The following DNAJC1 variants were observed in gnomAD, a reference collection of about 807,000 sequenced individuals.
DNAJC1 encodes the protein dnaJ homolog subfamily C member 1.
In DNAJC1, 58 loss-of-function variants were observed where a neutral mutation model predicts 76.6. The observed-to-expected ratio is 0.76, with a 90% CI of 0.61 to 0.94. DNAJC1 has a LOEUF of 0.94. Ranked by LOEUF, DNAJC1 falls within the 40% of genes least tolerant of loss-of-function variation. DNAJC1 has a pLI of 0.00. For missense variants in DNAJC1, 689 were observed against 677.3 expected (o/e 1.02, Z -0.19); for synonymous variants, 258 against 267.9 (o/e 0.96, Z 0.36).
In DNAJC1 at chr10:21,919,866, C is replaced by T; in HGVS notation, c.601G>A (p.Val201Ile). 6.2e-7 allele frequency: 1 copy of T among 1,609,232 alleles called. No individual in the cohort carries two copies. Among genetic ancestry groups the T allele is most frequent in the South Asian group, 1.1e-5 (1 of 90,306 alleles). ...TTTTCTGAAGCACCGAGTTTTGATA[C>T]ATCCACACTCTTGCTGCCAGTCTTT... ...KKKTGSKSVD[V>I]SKLGASEKNE... Residue 201 changes from valine (V) to isoleucine (I), a missense_variant, in exon 5 of 12, where the codon GTA (valine) becomes ATA (isoleucine). Physicochemically the swap from Val to Ile is conservative, Grantham distance 29. Coordinates refer to ENST00000376980, the MANE Select transcript of DNAJC1 (RefSeq NM_022365.4).
At chr10:21,929,245 A>G (rs1341752298) in intron 1 of DNAJC1, 104 bp from the exon 2 acceptor site, 1 of 705,062 alleles carries the variant, frequency 1.4e-6, no homozygotes, top group Non-Finnish European at 2.4e-6. Flanking sequence ...CAAGTGCAGG[A>G]CCCCAGGCAA....
At chr10:21,769,401 A>G (rs1834345346) in intron 9 of DNAJC1, among the ~76,000 whole-genome samples, 2 of 152,252 alleles carry the variant, frequency 1.3e-5, no homozygotes, top group Non-Finnish European at 2.9e-5. Flanking sequence ...TAGAATGGTT[A>G]TCCTGATTTT....
chr10:21,904,591 T>C lies in DNAJC1; in HGVS notation c.751A>G (p.Lys251Glu). The C allele has an allele frequency of 6.2e-7, 1 of 1,606,608 alleles. No individual in the cohort carries two copies. Among genetic ancestry groups the C allele is most frequent in the Non-Finnish European group, 8.5e-7 (1 of 1,176,638 alleles). ...LIQDAGQFYA[K>E]YKETRLKEKE... ...TCCTTCAATCTTGTTTCTTTATATT[T>C]AGCATAAAACTGCCCAGCATCCTTA... The change falls in exon 7 of 12, where the codon AAA becomes GAA. Residue 251 changes from lysine (K) to glutamate (E), a missense_variant. Lys to Glu is a moderately conservative substitution (Grantham distance 56). Coordinates refer to ENST00000376980, the MANE Select transcript of DNAJC1 (RefSeq NM_022365.4).
intron 1 of DNAJC1, among the ~76,000 whole-genome samples, chr10:21,949,929 T>C (rs1837563463): frequency 6.6e-6 from 1 of 152,150 alleles, no homozygotes; most frequent in Non-Finnish European, 1.5e-5. Flanking sequence ...TGCTTCAGTT[T>C]TTGCTTAAAT....
At chr10:21,972,498 T>C (rs1339198576) in intron 1 of DNAJC1, among the ~76,000 whole-genome samples, 2 of 151,994 alleles carry the variant, frequency 1.3e-5, no homozygotes, top group Non-Finnish European at 2.9e-5. Flanking sequence ...TTTATCACAT[T>C]TGAAGACAAA....
At chr10:21,841,787 T>C (rs1348159746) in intron 8 of DNAJC1, among the ~76,000 whole-genome samples, 2 of 152,034 alleles carry the variant, frequency 1.3e-5, no homozygotes, top group African/African-American at 2.4e-5. Flanking sequence ...CATGCTGCTA[T>C]AAAGACACAC....
intron 1 of DNAJC1, among the ~76,000 whole-genome samples, chr10:21,997,915 G>A (rs1838445381): frequency 6.6e-6 from 1 of 152,150 alleles, no homozygotes; most frequent in Admixed American, 6.5e-5. Flanking sequence ...TGTAATGACT[G>A]ACTGGCACCA....
At chr10:21,795,292 AC>A (rs1419260134) in intron 9 of DNAJC1, among the ~76,000 whole-genome samples, 2 of 152,252 alleles carry the variant, frequency 1.3e-5, no homozygotes, top group Non-Finnish European at 2.9e-5. Context: ...ATTTATGCAC[AC>A]AAATATTGAG....
chr10:21,890,339 C>A (rs373375452), intron 7 of DNAJC1, among the ~76,000 whole-genome samples: 22 of 149,004 alleles, frequency 1.5e-4, no homozygotes, highest in African/African-American at 4.5e-4. Context: ...CTTGAACCTG[C>A]GAGGCAGAGG....
intron 8 of DNAJC1, among the ~76,000 whole-genome samples, chr10:21,857,234 G>T (rs1221872718): frequency 6.6e-6 from 1 of 152,184 alleles, no homozygotes; most frequent in Non-Finnish European, 1.5e-5. Context: ...TAAGAGTAGA[G>T]TAAGAACCAT....
chr10:21,824,480 A>G (rs1251459062), intron 8 of DNAJC1, among the ~76,000 whole-genome samples: 1 of 152,252 alleles, frequency 6.6e-6, no homozygotes, highest in African/African-American at 2.4e-5. Flanking sequence ...ATTTGAGTAC[A>G]CGAAGTAAGG....
intron 11 of DNAJC1, among the ~76,000 whole-genome samples, chr10:21,758,952 A>G (rs1834207790): frequency 6.6e-6 from 1 of 152,196 alleles, no homozygotes; most frequent in African/African-American, 2.4e-5. Flanking sequence ...TGGGATGATG[A>G]AACTTAGAAT....
chr10:21,796,186 T>C (rs1834749123), intron 9 of DNAJC1, among the ~76,000 whole-genome samples: 1 of 152,044 alleles, frequency 6.6e-6, no homozygotes, highest in Non-Finnish European at 1.5e-5. Flanking sequence ...GCCAGGCTGG[T>C]CTCAAACTCC....
rs2131780345 is a variant in DNAJC1 at position 21,929,263 on chromosome 10, T to C, written c.223-122A>G. On this transcript the variant is annotated intron_variant, in intron 1 of 11. Coordinates refer to ENST00000376980, the MANE Select transcript of DNAJC1 (RefSeq NM_022365.4). ...GTGCAGGACCCCAGGCAATGTAATT[T>C]GAGCAATCAGTCTTAACAACCAGGC... The C allele has an allele frequency of 4.7e-6, 3 of 641,152 alleles. No homozygotes were observed. In the East Asian group the frequency reaches 8.7e-5, roughly 19 times the overall value. The allele number at this position is 641,152 out of a possible 1,614,324, so 39.7% of individuals were successfully genotyped here. A position where few individuals can be genotyped will look rare whatever the true frequency, so the allele number is the denominator to read the frequency against.
intron 8 of DNAJC1, among the ~76,000 whole-genome samples, chr10:21,848,599 A>C (rs1835698973): frequency 6.6e-6 from 1 of 152,202 alleles, no homozygotes; most frequent in Non-Finnish European, 1.5e-5. Context: ...TAAATAGGGA[A>C]CCAGAGGATT....
chr10:21,826,849 T>C (rs1286584950), intron 8 of DNAJC1, among the ~76,000 whole-genome samples: 2 of 152,224 alleles, frequency 1.3e-5, no homozygotes, highest in Non-Finnish European at 2.9e-5. Context: ...TATTCTATTT[T>C]ATTGGTCTAC....
At chr10:21,870,732 G>A (rs950667399) in intron 8 of DNAJC1, among the ~76,000 whole-genome samples, 3 of 152,004 alleles carry the variant, frequency 2.0e-5, no homozygotes, top group Admixed American at 6.6e-5. Context: ...CTATGGTGGC[G>A]CCACAGCACT....
At chr10:21,956,182 G>A (rs1053656039) in intron 1 of DNAJC1, among the ~76,000 whole-genome samples, 4 of 152,126 alleles carry the variant, frequency 2.6e-5, no homozygotes, top group Admixed American at 6.5e-5. Flanking sequence ...AAGAGAGCAC[G>A]AGGGACAAAG....
chr10:21,843,393 T>TTTC (rs1491209419), intron 8 of DNAJC1, among the ~76,000 whole-genome samples: 4 of 118,590 alleles, frequency 3.4e-5, no homozygotes, highest in African/African-American at 1.1e-4. Flanking sequence ...GAGGTTTCCC[T>TTTC]TTTTTTTTTT....
Sources: allele counts gnomAD v4.1 joint callset (sites outside exome capture counted in the v4.1 genomes callset), GRCh38; gene constraint gnomAD v4.1.1; transcripts MANE v1.5; gene names NCBI Gene and HGNC (gene_info 2026-07-23, HGNC 2026-07-21).